The following INPP5A variants were observed in gnomAD, a reference collection of about 807,000 sequenced individuals.
INPP5A encodes inositol polyphosphate-5-phosphatase A.
INPP5A carries 14 observed loss-of-function variants against 65.2 expected under a neutral mutation model. The ratio of observed to expected loss-of-function variants is 0.21; its 90% confidence interval spans 0.14 to 0.34. INPP5A has a LOEUF of 0.34. INPP5A is among the 10% of genes least tolerant of loss of function. The pLI, the probability that INPP5A is intolerant of heterozygous loss-of-function variation, is 1.00. For missense variants in INPP5A, 431 were observed against 545.6 expected, an observed-to-expected ratio of 0.79 and a Z score of 2.09; for synonymous variants, 207 against 208.3, an observed-to-expected ratio of 0.99 and a Z score of 0.05.
chr10:132,567,445 C>T (rs982044959), intron 1 of INPP5A, among the ~76,000 whole-genome samples: 1 of 152,184 alleles, frequency 6.6e-6, no homozygotes, highest in Non-Finnish European at 1.5e-5. Context: ...TGGGCGCAGC[C>T]CCTTGGGCAA....
At chr10:132,690,779 TAAG>T (rs1047106965) in intron 5 of INPP5A, among the ~76,000 whole-genome samples, 9 of 152,254 alleles carry the variant, frequency 5.9e-5, no homozygotes, top group African/African-American at 2.2e-4. Context: ...GTTTCAGAAA[TAAG>T]AACAGGCAGG....
chr10:132,558,095 AG>A lies in INPP5A; in HGVS notation c.75+19925del, dbSNP rs2071150236. 1.3e-5 allele frequency among the ~76,000 whole-genome samples: 2 copies of A among 152,168 alleles called. 1 individual carries two copies. The highest frequency in any genetic ancestry group is 4.1e-4 in the South Asian group (2 of 4,830). On this transcript the variant is annotated intron_variant, in intron 1 of 15. Coordinates refer to ENST00000368594, the MANE Select transcript of INPP5A (RefSeq NM_005539.5). ...TGGCCACCGTGTCTTCTTAACTGGTAGTAAAAGCCACCTGGCTGTCCAGGTG... is the reference window on the plus strand; with the variant it reads ...TGGCCACCGTGTCTTCTTAACTGGTATAAAAGCCACCTGGCTGTCCAGGTG...
At chr10:132,608,567 G>A (rs78834297) in intron 2 of INPP5A, among the ~76,000 whole-genome samples, 2,277 of 152,220 alleles carry the variant, frequency 0.015, 32 homozygotes, top group South Asian at 0.039. Context: ...GCCTGTGGCC[G>A]AGCATGTGTG....
chr10:132,690,295 C>T (rs1463334182), intron 4 of INPP5A, 97 bp from the exon 5 acceptor site: 5 of 819,428 alleles, frequency 6.1e-6, no homozygotes, highest in African/African-American at 3.4e-5. Context: ...AACTCTTGCT[C>T]TAGCTAGTTT....
intron 4 of INPP5A, among the ~76,000 whole-genome samples, chr10:132,681,414 C>G (rs1202757581): frequency 1.3e-5 from 2 of 152,080 alleles, no homozygotes; most frequent in East Asian, 3.8e-4. Flanking sequence ...TGCAGCTTCA[C>G]TCCTGAGCCA....
At chr10:132,754,710 A>G (rs531650929) in intron 11 of INPP5A, among the ~76,000 whole-genome samples, 75 of 152,368 alleles carry the variant, frequency 4.9e-4, no homozygotes, top group African/African-American at 1.7e-3. Flanking sequence ...CCCAGGCAGG[A>G]TGCCGGCCGA....
At chr10:132,717,642 A>G (rs1845764749) in intron 8 of INPP5A, among the ~76,000 whole-genome samples, 1 of 140,136 alleles carries the variant, frequency 7.1e-6, no homozygotes. Context: ...AGCTGTCTTC[A>G]GGGTTCTGTG....
rs749191973 is a variant in INPP5A, at chr10:132,547,514, C to G, written c.75+9343C>G. 1.3e-5 allele frequency among the ~76,000 whole-genome samples: 2 copies of G among 152,162 alleles called. No individual in the cohort carries two copies. Among genetic ancestry groups the G allele is most frequent in the Non-Finnish European group, 2.9e-5 (2 of 68,022 alleles). On this transcript the variant is annotated intron_variant, in intron 1 of 15. Coordinates refer to ENST00000368594, the MANE Select transcript of INPP5A (RefSeq NM_005539.5). The surrounding 1 kb of genome is among the most constrained non-coding windows in gnomAD (Gnocchi z 5.5). ...GGTGAATATAACCGGGAGGGAGTGC[C>G]CGCCTCTGCCCACCTGCCTGGCATC...
Position 132,594,610 on chromosome 10 carries a change from C to T in INPP5A, c.76-13305C>T, listed in dbSNP as rs139346491. On this transcript the variant is annotated intron_variant, in intron 1 of 15. Transcript: ENST00000368594. Reference sequence around the variant, plus strand: ...GTGTGGTATGTGAGTGTGTGGGGTGCGTTTGTGTGCCTGTGCATGGGTGGT... The same window carrying T: ...GTGTGGTATGTGAGTGTGTGGGGTGTGTTTGTGTGCCTGTGCATGGGTGGT... Among the ~76,000 whole-genome samples the T allele has an allele frequency of 2.7e-3, 404 of 151,896 alleles. 2 individuals carry two copies. The Middle Eastern group carries it at 0.045, about 17-fold the overall frequency.
At chr10:132,749,935 C>A in intron 11 of INPP5A, 90 bp downstream of exon 11, 1 of 1,111,106 alleles carries the variant, frequency 9.0e-7, no homozygotes, top group Non-Finnish European at 1.4e-6. Flanking sequence ...CTGGGACCAC[C>A]CTGCCTTGTC....
intron 1 of INPP5A, among the ~76,000 whole-genome samples, chr10:132,601,076 G>A (rs2071770723): frequency 6.6e-6 from 1 of 152,182 alleles, no homozygotes; most frequent in Admixed American, 6.5e-5. Context: ...TCATAGCGAT[G>A]GCACCATGTT....
At chr10:132,761,945 A>G (rs1846741127) in intron 11 of INPP5A, among the ~76,000 whole-genome samples, 1 of 152,216 alleles carries the variant, frequency 6.6e-6, no homozygotes, top group African/African-American at 2.4e-5. Context: ...GTACCACACT[A>G]TGAAAAAAAT....
chr10:132,719,870 G>A (rs1336510118), intron 8 of INPP5A, among the ~76,000 whole-genome samples: 1 of 150,686 alleles, frequency 6.6e-6, no homozygotes, highest in Non-Finnish European at 1.5e-5. Context: ...TTCTGTCTGG[G>A]CGCCTTAGAC....
At position 132,698,571 on chromosome 10, in the gene INPP5A, G is replaced by A. The variant is rs907009204; in HGVS notation, c.474+652G>A. On this transcript the variant is annotated intron_variant, in intron 6 of 15. Transcript: ENST00000368594. This position sits in a 1 kb window ranked among gnomAD's most constrained non-coding sequence, Gnocchi z 5.5. ...TGATCTTTGGGTAAACCTCACACGC[G>A]GCATTGTCGGCGTCTCCCTGGCTGT... is the stretch of plus-strand genomic sequence containing the variant. Among the ~76,000 whole-genome samples, 8 of 152,218 alleles carry A rather than the reference G, an allele frequency of 5.3e-5. No individual in the cohort carries two copies. Among genetic ancestry groups the A allele is most frequent in the Admixed American group, 5.2e-4 (8 of 15,288 alleles).
chr10:132,591,163 G>A (rs995340743), intron 1 of INPP5A, among the ~76,000 whole-genome samples: 7 of 152,134 alleles, frequency 4.6e-5, no homozygotes, highest in African/African-American at 1.4e-4. Flanking sequence ...TCTTTCAATT[G>A]CAAGAAGATT....
chr10:132,604,112 C>T (rs1022376572), intron 1 of INPP5A, among the ~76,000 whole-genome samples: 1 of 147,676 alleles, frequency 6.8e-6, no homozygotes, highest in Non-Finnish European at 1.5e-5. Flanking sequence ...TCAGGGTCCC[C>T]TCTCCGGCGC....
rs954160792 is a variant in INPP5A at position 132,546,562 on chromosome 10, T to C, written c.75+8391T>C. Among the ~76,000 whole-genome samples the C allele has an allele frequency of 2.0e-5, 3 of 152,038 alleles. No individual in the cohort carries two copies. The highest frequency in any genetic ancestry group is 7.2e-5 in the African/African-American group (3 of 41,410). On this transcript the variant is annotated intron_variant, in intron 1 of 15. Coordinates refer to ENST00000368594, the MANE Select transcript of INPP5A (RefSeq NM_005539.5). This position sits in a 1 kb window ranked among gnomAD's most constrained non-coding sequence, Gnocchi z 5.7. ...GTGCTCCCCCTTCTCTCTTGGAAGGTGTAAGGGCTTAGTAGGGCTGCCTCG... is the reference window on the plus strand; with the variant it reads ...GTGCTCCCCCTTCTCTCTTGGAAGGCGTAAGGGCTTAGTAGGGCTGCCTCG...
chr10:132,538,389 T>TGGGCCCTGAATCCCC lies in INPP5A; in HGVS notation c.75+220_75+234dup, dbSNP rs2070868715. 6.6e-6 allele frequency among the ~76,000 whole-genome samples: 1 copy of TGGGCCCTGAATCCCC among 152,038 alleles called. No homozygotes were observed. Among genetic ancestry groups the TGGGCCCTGAATCCCC allele is most frequent in the Non-Finnish European group, 1.5e-5 (1 of 67,978 alleles). The stretch of plus-strand genomic sequence containing the variant: ...TCCCCAAGCCCGAGACCTGAAGACC[T>TGGGCCCTGAATCCCC]GGGCCCTGAATCCCCGAACCCCATC... On this transcript the variant is annotated intron_variant, in intron 1 of 15. Transcript: ENST00000368594. The surrounding 1 kb of genome is among the most constrained non-coding windows in gnomAD (Gnocchi z 4.1).
intron 13 of INPP5A, 145 bp downstream of exon 13, chr10:132,777,927 A>C (rs1279210024): frequency 6.7e-7 from 1 of 1,484,942 alleles, no homozygotes; most frequent in Non-Finnish European, 8.9e-7. Context: ...TCGTGCTGCC[A>C]TGAGCTGCAC....
Sources: allele counts gnomAD v4.1 joint callset (sites outside exome capture counted in the v4.1 genomes callset), GRCh38; gene constraint gnomAD v4.1.1; non-coding constraint Gnocchi (gnomAD v3.1); transcripts MANE v1.5; gene names NCBI Gene and HGNC (gene_info 2026-07-23, HGNC 2026-07-21).